GLS: variants seen among roughly 807,000 people sequenced by gnomAD.
The protein encoded by GLS is glutaminase kidney isoform, mitochondrial.
A neutral mutation model predicts 86.7 loss-of-function variants in GLS; 36 were observed. The ratio of observed to expected loss-of-function variants is 0.42; its 90% CI spans 0.32 to 0.55. GLS has a LOEUF of 0.55. GLS is among the 20% of genes least tolerant of loss of function. The pLI is 0.17. For synonymous variants in GLS, 317 were observed against 305.9 expected (o/e 1.04, Z -0.38); for missense variants, 528 against 833.4 (o/e 0.63, Z 4.51).
intron 5 of GLS, among the ~76,000 whole-genome samples, chr2:190,904,626 C>T (rs766881850): frequency 6.6e-6 from 1 of 152,018 alleles, no homozygotes; most frequent in East Asian, 1.9e-4. Context: ...ACATTTTTTC[C>T]TTGTCATTAT....
chr2:190,950,860 C>A (rs1164760427), intron 14 of GLS, among the ~76,000 whole-genome samples: 1 of 152,128 alleles, frequency 6.6e-6, no homozygotes, highest in Non-Finnish European at 1.5e-5. Flanking sequence ...GAAGACAGGG[C>A]AAAGCAAATT....
At position 190,927,379 on chromosome 2, in the gene GLS, C is replaced by T. The variant is rs1435470762; in HGVS notation, c.1322C>T (p.Pro441Leu). ...AATLANGGFC[P>L]ITGERVLSPE... ...ACACTGGCTAATGGTGGTTTCTGCC[C>T]AATTACTGGTGAAAGAGTACTGAGC... The change falls in exon 12 of 18, where the codon CCA becomes CTA. Residue 441 changes from proline (P) to leucine (L), a missense_variant. This residue lies in a region of GLS where 163 missense variants were observed against 429.2 expected (regional missense o/e 0.38). Transcript: ENST00000320717. The T allele has an allele frequency of 1.2e-6, 2 of 1,613,712 alleles. No individual in the cohort carries two copies. The highest frequency in any genetic ancestry group is 1.3e-5 in the African/African-American group (1 of 74,978).
chr2:190,937,747 T>C (rs750194616), intron 14 of GLS, among the ~76,000 whole-genome samples: 4 of 151,200 alleles, frequency 2.6e-5, no homozygotes, highest in Non-Finnish European at 5.9e-5. Context: ...TAAAAAACTT[T>C]ATAATGGCTT....
intron 17 of GLS, among the ~76,000 whole-genome samples, chr2:190,961,950 G>A (rs1392758806): frequency 1.3e-5 from 2 of 152,180 alleles, no homozygotes; most frequent in Non-Finnish European, 2.9e-5. Context: ...ATCAGCCATG[G>A]AGAATTTTGT....
At chr2:190,933,276 A>C (rs1251386840) in intron 14 of GLS, 1 of 911,298 alleles carries the variant, frequency 1.1e-6, no homozygotes, top group East Asian at 1.2e-4. Flanking sequence ...AACTAATGTG[A>C]TGTCTTTAGT....
intron 1 of GLS, among the ~76,000 whole-genome samples, chr2:190,893,741 C>T (rs539522066): frequency 1.4e-4 from 21 of 152,036 alleles, no homozygotes; most frequent in African/African-American, 4.6e-4. Context: ...CCTGCCACAA[C>T]GTCTGGCTAG....
chr2:190,932,333 G>A (rs1690135596), intron 14 of GLS, among the ~76,000 whole-genome samples: 1 of 151,798 alleles, frequency 6.6e-6, no homozygotes, highest in Non-Finnish European at 1.5e-5. Flanking sequence ...AGGGGCTTGT[G>A]CTGAGAATTT....
chr2:190,880,976 C>T lies in GLS; in HGVS notation c.-109C>T, dbSNP rs1559309714. 7.8e-7 allele frequency: 1 copy of T among 1,287,764 alleles called. No individual in the cohort carries two copies. Among genetic ancestry groups the T allele is most frequent in the Non-Finnish European group, 1.1e-6 (1 of 931,580 alleles). The allele number at this position is 1,287,764 out of a possible 1,614,324, so 79.8% of individuals were successfully genotyped here. On this transcript the variant is annotated 5_prime_UTR_variant, in exon 1 of 18. Coordinates refer to ENST00000320717, the MANE Select transcript of GLS (RefSeq NM_014905.5). ...ACCACACCCAAGTAGCTGCCCTTTC[C>T]TCTTCTGTCATCTCACCGCCCCACC... is the stretch of plus-strand genomic sequence containing the variant.
chr2:190,939,200 C>T (rs529942072), intron 14 of GLS, among the ~76,000 whole-genome samples: 7 of 151,526 alleles, frequency 4.6e-5, no homozygotes, highest in Non-Finnish European at 1.0e-4. Flanking sequence ...TGTTTATTTA[C>T]TCTGTCTATA....
At chr2:190,886,146 C>T (rs1035733570) in intron 1 of GLS, among the ~76,000 whole-genome samples, 2 of 152,150 alleles carry the variant, frequency 1.3e-5, no homozygotes, top group Non-Finnish European at 2.9e-5. Context: ...GCTGGGATTA[C>T]AGGCGTGAGC....
chr2:190,907,443 A>G (rs148405481), intron 6 of GLS, among the ~76,000 whole-genome samples: 1,557 of 151,486 alleles, frequency 0.01, 96 homozygotes, highest in Admixed American at 0.093. Flanking sequence ...TTCAGTAGAG[A>G]CGGGGTTTCT....
Position 190,954,473 on chromosome 2 carries a change from G to C in GLS, c.1713-111G>C. 1.4e-6 allele frequency: 1 copy of C among 693,674 alleles called. No homozygotes were observed. Among genetic ancestry groups the C allele is most frequent in the South Asian group, 1.9e-5 (1 of 52,918 alleles). 43.0% of individuals were successfully genotyped at this position (693,674 alleles called of 1,614,324 possible). ...GTCGGTAGTTCCCATTAATGAGCTT[G>C]ATGAAGGATGGCACCTGACAGGGCC... On this transcript the variant is annotated intron_variant, in intron 15 of 17. Coordinates refer to ENST00000320717, the MANE Select transcript of GLS (RefSeq NM_014905.5). The surrounding 1 kb of genome is among the most constrained non-coding windows in gnomAD (Gnocchi z 4.0).
At chr2:190,942,005 G>A (rs1243758785) in intron 14 of GLS, among the ~76,000 whole-genome samples, 1 of 145,176 alleles carries the variant, frequency 6.9e-6, no homozygotes, top group Non-Finnish European at 1.5e-5. Flanking sequence ...TTTCTGAAAG[G>A]TCTTATATGC....
At chr2:190,933,700 C>G in intron 14 of GLS, 1 of 917,610 alleles carries the variant, frequency 1.1e-6, no homozygotes, top group Non-Finnish European at 1.3e-6. Context: ...ATCCACATAA[C>G]TTTTTCTATG....
In GLS at chr2:190,924,847, C is replaced by T. The variant is rs573432460; in HGVS notation, c.1248+254C>T. ...GGAGAATCCCTTGAACCTGGAAGGC[C>T]GAGGTTGCAGTGAGCCGAGATCACG... On this transcript the variant is annotated intron_variant, in intron 11 of 17. Transcript: ENST00000320717. The surrounding 1 kb of genome is among the most constrained non-coding windows in gnomAD (Gnocchi z 5.2). 17 of 345,372 alleles carry T rather than the reference C, an allele frequency of 4.9e-5. No homozygotes were observed. The highest frequency in any genetic ancestry group is 7.5e-5 in the Non-Finnish European group (14 of 185,536). 21.4% of individuals were successfully genotyped at this position (345,372 alleles called of 1,614,324 possible).
intron 14 of GLS, chr2:190,933,455 T>G (rs920139458): frequency 1.0e-5 from 9 of 868,250 alleles, no homozygotes; most frequent in Admixed American, 6.2e-5. Context: ...ATTTAAAAAT[T>G]TATCAAATGC....
rs370751891 is a variant in GLS, at chr2:190,917,787, G to T, written c.1039-3237G>T. Reference sequence around the variant, plus strand: ...GTTAGTGAACAGTAGTATTTTGAAAGAAATATTTTTTTTTTTTCTGGCTGG... The same window carrying T: ...GTTAGTGAACAGTAGTATTTTGAAATAAATATTTTTTTTTTTTCTGGCTGG... On this transcript the variant is annotated intron_variant, in intron 7 of 17. Transcript: ENST00000320717. 9.9e-5 allele frequency among the ~76,000 whole-genome samples: 15 copies of T among 151,806 alleles called. No homozygotes were observed. In the East Asian group the frequency reaches 2.5e-3, roughly 25 times the overall value.
chr2:190,917,792 A>T (rs1005600633), intron 7 of GLS, among the ~76,000 whole-genome samples: 1 of 146,182 alleles, frequency 6.8e-6, no homozygotes, highest in South Asian at 2.1e-4. Flanking sequence ...TGAAAGAAAT[A>T]TTTTTTTTTT....
Position 190,914,156 on chromosome 2 carries a change from A to G in GLS, c.1038+3835A>G, listed in dbSNP as rs537117489. 7.9e-5 allele frequency among the ~76,000 whole-genome samples: 12 copies of G among 152,342 alleles called. No individual in the cohort carries two copies. Among genetic ancestry groups the G allele is most frequent in the Admixed American group, 2.6e-4 (4 of 15,296 alleles). On this transcript the variant is annotated intron_variant, in intron 7 of 17. Transcript: ENST00000320717. This position sits in a 1 kb window ranked among gnomAD's most constrained non-coding sequence, Gnocchi z 4.4. ...AAGAAGTTCAATTTTCTTTTTAATC[A>G]AAAGTATTTTTGAATTTTAAAAATT...
Sources: gnomAD v4.1 joint callset for allele counts (sites outside exome capture counted in the v4.1 genomes callset) on GRCh38, gnomAD v4.1.1 for gene constraint, gnomAD v4.1.1 regional missense constraint, Gnocchi (gnomAD v3.1) non-coding constraint, MANE v1.5 for transcripts, NCBI Gene and HGNC (gene_info 2026-07-23, HGNC 2026-07-21) for gene names.